The following NTRK2 variants were observed in gnomAD, a reference collection of about 807,000 sequenced individuals.
The protein encoded by NTRK2 is neurotrophic receptor tyrosine kinase 2, also known as BDNF/NT-3 growth factors receptor.
NTRK2 carries 13 observed loss-of-function variants against 94.5 expected under a neutral mutation model. The observed-to-expected ratio is 0.14, with a 90% CI of 0.09 to 0.22. The LOEUF (loss-of-function observed/expected upper bound fraction) is 0.22, where lower values mean the gene tolerates loss of function less well. Ranked by LOEUF, NTRK2 falls within the 10% of genes least tolerant of loss-of-function variation. The probability of loss-of-function intolerance (pLI) is 1.00; values close to 1 mark genes in which losing one functional copy is unlikely to be tolerated. For synonymous variants in NTRK2, 372 were observed against 407.4 expected, an observed-to-expected ratio of 0.91 and a Z score of 1.05; for missense variants, 639 against 1,071.2, an observed-to-expected ratio of 0.60 and a Z score of 5.63.
chr9:84,963,536 T>A (rs1256282323), intron 17 of NTRK2, among the ~76,000 whole-genome samples: 1 of 152,248 alleles, frequency 6.6e-6, no homozygotes, highest in Non-Finnish European at 1.5e-5. Flanking sequence ...TTTCTCTTTA[T>A]TACTGGTCTT....
intron 12 of NTRK2, among the ~76,000 whole-genome samples, chr9:84,819,341 G>T (rs41511747): frequency 6.6e-6 from 1 of 152,164 alleles, no homozygotes; most frequent in Non-Finnish European, 1.5e-5. Context: ...TTGAGTCGGG[G>T]TAGGAAGTAC....
At chr9:84,868,000 AT>A (rs2075674457) in intron 14 of NTRK2, among the ~76,000 whole-genome samples, 1 of 152,130 alleles carries the variant, frequency 6.6e-6, no homozygotes, top group South Asian at 2.1e-4. Context: ...ACTTACTTTC[AT>A]TTTTCAAAAA....
chr9:84,932,710 A>G (rs181502689), intron 14 of NTRK2, among the ~76,000 whole-genome samples: 6 of 152,334 alleles, frequency 3.9e-5, no homozygotes, highest in Admixed American at 3.3e-4. Context: ...TGTGGGATAC[A>G]TCAGAATACG....
At chr9:84,916,169 C>G (rs1451361046) in intron 14 of NTRK2, among the ~76,000 whole-genome samples, 2 of 151,690 alleles carry the variant, frequency 1.3e-5, no homozygotes, top group Non-Finnish European at 2.9e-5. Flanking sequence ...AGTAGTTTAG[C>G]AAGCAGAAGA....
chr9:84,903,721 C>T (rs1271878107), intron 14 of NTRK2, among the ~76,000 whole-genome samples: 1 of 151,688 alleles, frequency 6.6e-6, no homozygotes, highest in Non-Finnish European at 1.5e-5. Flanking sequence ...TTCCTTCTTT[C>T]CTTCCTTGCC....
intron 17 of NTRK2, among the ~76,000 whole-genome samples, chr9:85,006,060 T>C (rs1264147220): frequency 6.6e-6 from 1 of 152,202 alleles, no homozygotes; most frequent in Non-Finnish European, 1.5e-5. Context: ...ATATTTTTGC[T>C]GAATAAGTGA....
At chr9:84,732,597 G>A (rs1370321339) in intron 9 of NTRK2, among the ~76,000 whole-genome samples, 2 of 152,296 alleles carry the variant, frequency 1.3e-5, no homozygotes, top group South Asian at 4.1e-4. Flanking sequence ...TGTCCCACCT[G>A]AGCTAGAAAT....
chr9:84,891,688 CACTT>C (rs1043512611), intron 14 of NTRK2, among the ~76,000 whole-genome samples: 2 of 152,146 alleles, frequency 1.3e-5, no homozygotes, highest in African/African-American at 2.4e-5. Context: ...ATATTAATCT[CACTT>C]AGTGTGCATG....
rs745611460 is a variant in NTRK2, at chr9:84,755,525, C to CTTT, written c.1396+3466_1396+3468dup. 4.6e-4 allele frequency among the ~76,000 whole-genome samples: 28 copies of CTTT among 60,642 alleles called. 1 individual carries two copies. Among genetic ancestry groups the CTTT allele is most frequent in the East Asian group, 1.5e-3 (3 of 2,026 alleles). The allele number at this position is 60,642 out of a possible 152,430, so 39.8% of individuals were successfully genotyped here. The stretch of plus-strand genomic sequence containing the variant: ...TTCTAAAAGAGACAAAGTCCCACCT[C>CTTT]TTTTTTTTTTTTTTTTTTTTTTTTT... On this transcript the variant is annotated intron_variant, in intron 12 of 18. Coordinates refer to ENST00000277120, the MANE Select transcript of NTRK2 (RefSeq NM_006180.6).
intron 14 of NTRK2, chr9:84,872,575 T>G (rs1173414058): frequency 2.3e-5 from 25 of 1,063,914 alleles, no homozygotes; most frequent in Middle Eastern, 4.1e-4. Flanking sequence ...AGTAACTCCC[T>G]GTGGCAGAGG....
intron 14 of NTRK2, among the ~76,000 whole-genome samples, chr9:84,907,340 A>T (rs1028203547): frequency 1.3e-5 from 2 of 152,228 alleles, no homozygotes; most frequent in African/African-American, 4.8e-5. Context: ...AGCCATTTCC[A>T]TAGCAAAGGA....
At chr9:84,689,012 G>GA (rs1291567413) in intron 2 of NTRK2, among the ~76,000 whole-genome samples, 2 of 152,190 alleles carry the variant, frequency 1.3e-5, no homozygotes, top group African/African-American at 2.4e-5. Context: ...GGCAATAATA[G>GA]AAAAATAGAA....
intron 12 of NTRK2, among the ~76,000 whole-genome samples, chr9:84,755,226 C>T (rs2064976923): frequency 6.6e-6 from 1 of 152,150 alleles, no homozygotes; most frequent in Admixed American, 6.5e-5. Flanking sequence ...GTTCCTTGTT[C>T]TGTGGATTCA....
intron 12 of NTRK2, among the ~76,000 whole-genome samples, chr9:84,805,736 C>G (rs2071034766): frequency 6.6e-6 from 1 of 152,168 alleles, no homozygotes; most frequent in African/African-American, 2.4e-5. Flanking sequence ...GGTCATGAGG[C>G]CTCTGCCCTC....
intron 4 of NTRK2, among the ~76,000 whole-genome samples, chr9:84,706,679 G>A (rs575050160): frequency 4.6e-4 from 70 of 151,854 alleles, no homozygotes; most frequent in African/African-American, 1.6e-3. Flanking sequence ...ACAGGTGCCC[G>A]CCACCGCCTG....
chr9:84,813,873 A>G (rs2072086073), intron 12 of NTRK2: 7 of 1,065,346 alleles, frequency 6.6e-6, no homozygotes, highest in Admixed American at 5.3e-5. Context: ...CCTATATCTT[A>G]TTATATTTAC....
At chr9:84,744,714 C>T (rs2063913969) in intron 10 of NTRK2, among the ~76,000 whole-genome samples, 2 of 152,046 alleles carry the variant, frequency 1.3e-5, no homozygotes, top group South Asian at 2.1e-4. Context: ...AAGAAAAATC[C>T]CTGAACCAGG....
intron 14 of NTRK2, among the ~76,000 whole-genome samples, chr9:84,927,580 A>G (rs929417213): frequency 6.6e-5 from 10 of 152,008 alleles, no homozygotes; most frequent in Non-Finnish European, 1.2e-4. Context: ...AGCTGAACTC[A>G]TATGCTTTCT....
chr9:84,902,194 T>TAA (rs1254854746), intron 14 of NTRK2, among the ~76,000 whole-genome samples: 8 of 130,200 alleles, frequency 6.1e-5, no homozygotes, highest in Non-Finnish European at 1.2e-4. Flanking sequence ...AGATTCTGTC[T>TAA]AAAAAAAAAA....
Sources: gnomAD v4.1 joint callset for allele counts (sites outside exome capture counted in the v4.1 genomes callset) on GRCh38, gnomAD v4.1.1 for gene constraint, MANE v1.5 for transcripts, NCBI Gene and HGNC (gene_info 2026-07-23, HGNC 2026-07-21) for gene names.